PRR16: variants seen among roughly 807,000 people sequenced by gnomAD.
The protein encoded by PRR16 is protein Largen.
PRR16 carries 6 observed loss-of-function variants against 18.2 expected under a neutral mutation model. The observed-to-expected ratio is 0.33, with a 90% CI of 0.18 to 0.65. PRR16 has a LOEUF of 0.65. Ranked by LOEUF, PRR16 falls within the 30% of genes least tolerant of loss-of-function variation. PRR16 has a pLI of 0.74. For missense variants in PRR16, 412 were observed against 376.6 expected (o/e 1.09, Z -0.78); for synonymous variants, 151 against 147.8 (o/e 1.02, Z -0.16).
chr5:120,773,953 G>A, the PRR16 span, among the ~76,000 whole-genome samples: 2 of 152,010 alleles, frequency 1.3e-5, no homozygotes, highest in African/African-American at 4.8e-5. Flanking sequence ...TTTTGTACTT[G>A]ATATTCCGTA....
the PRR16 span, among the ~76,000 whole-genome samples, chr5:120,781,007 G>A: frequency 3.9e-5 from 6 of 152,110 alleles, no homozygotes; most frequent in Non-Finnish European, 5.9e-5. Flanking sequence ...CCGAGATCGC[G>A]CCACTGCCCT....
At chr5:120,669,982 A>C (rs1003156192) in intron 1 of PRR16, among the ~76,000 whole-genome samples, 1 of 152,092 alleles carries the variant, frequency 6.6e-6, no homozygotes, top group Non-Finnish European at 1.5e-5. Flanking sequence ...AATGTTTTAA[A>C]TGTTATAATG....
intron 1 of PRR16, among the ~76,000 whole-genome samples, chr5:120,636,793 A>G (rs986443044): frequency 1.3e-5 from 2 of 152,152 alleles, no homozygotes; most frequent in Admixed American, 1.3e-4. Context: ...GGACTTAATT[A>G]AACTAAAAAG....
chr5:120,780,445 G>C, the PRR16 span, among the ~76,000 whole-genome samples: 1 of 152,062 alleles, frequency 6.6e-6, no homozygotes. Flanking sequence ...GCAGTAGAAA[G>C]GGATTTCTAG....
intron 1 of PRR16, among the ~76,000 whole-genome samples, chr5:120,586,262 C>G (rs1753439525): frequency 2.0e-5 from 3 of 151,944 alleles, no homozygotes; most frequent in Admixed American, 1.3e-4. Context: ...AAATAATTGA[C>G]TGGGTTATAG....
intron 1 of PRR16, among the ~76,000 whole-genome samples, chr5:120,597,710 G>A (rs1043370138): frequency 7.2e-4 from 110 of 151,796 alleles, no homozygotes; most frequent in African/African-American, 2.5e-3. Flanking sequence ...TGTAACTATA[G>A]TGTCTGGATA....
chr5:120,788,881 G>A, the PRR16 span, among the ~76,000 whole-genome samples: 1 of 151,794 alleles, frequency 6.6e-6, no homozygotes, highest in East Asian at 1.9e-4. Context: ...AGATCATTTA[G>A]TACTAAAACA....
At chr5:120,786,369 T>A in the PRR16 span, among the ~76,000 whole-genome samples, 4 of 151,828 alleles carry the variant, frequency 2.6e-5, no homozygotes, top group Admixed American at 2.6e-4. Context: ...GCAGAATGGA[T>A]AAACTGTATC....
chr5:120,538,533 A>G (rs1346065637), intron 1 of PRR16, among the ~76,000 whole-genome samples: 1 of 152,248 alleles, frequency 6.6e-6, no homozygotes. Context: ...ATATGCTATT[A>G]AAATGCCACT....
At chr5:120,721,376 G>C in the PRR16 span, among the ~76,000 whole-genome samples, 6 of 151,950 alleles carry the variant, frequency 3.9e-5, no homozygotes, top group Non-Finnish European at 5.9e-5. Context: ...AGATGATCTA[G>C]AATGACAGGT....
intron 1 of PRR16, among the ~76,000 whole-genome samples, chr5:120,493,132 A>G (rs972778966): frequency 2.6e-5 from 4 of 152,186 alleles, no homozygotes; most frequent in African/African-American, 7.2e-5. Flanking sequence ...AGGAATGTCT[A>G]TATTATTTTC....
chr5:120,546,527 T>C (rs1482007743), intron 1 of PRR16, among the ~76,000 whole-genome samples: 2 of 152,082 alleles, frequency 1.3e-5, no homozygotes, highest in East Asian at 1.9e-4. Context: ...ATTTGGTCAA[T>C]TGATTGCTAT....
the PRR16 span, among the ~76,000 whole-genome samples, chr5:120,709,395 C>G: frequency 8.5e-5 from 13 of 152,062 alleles, no homozygotes; most frequent in African/African-American, 3.1e-4. Context: ...TTATGGGGTA[C>G]ATGTGACATT....
At chr5:120,638,614 G>A (rs1755323007) in intron 1 of PRR16, among the ~76,000 whole-genome samples, 3 of 152,144 alleles carry the variant, frequency 2.0e-5, no homozygotes, top group African/African-American at 7.2e-5. Flanking sequence ...TTACAACCAG[G>A]CCATCTGCAG....
the PRR16 span, among the ~76,000 whole-genome samples, chr5:120,730,964 T>C: frequency 6.6e-6 from 1 of 152,072 alleles, no homozygotes; most frequent in Non-Finnish European, 1.5e-5. Flanking sequence ...GTCATTAGAG[T>C]TAATTGTTTG....
chr5:120,540,084 G>C (rs1003334237), intron 1 of PRR16, among the ~76,000 whole-genome samples: 14 of 152,014 alleles, frequency 9.2e-5, no homozygotes, highest in African/African-American at 3.4e-4. Flanking sequence ...AACCTAACAG[G>C]GCTTCTTATT....
At chr5:120,754,578 T>TA in the PRR16 span, among the ~76,000 whole-genome samples, 4 of 107,034 alleles carry the variant, frequency 3.7e-5, no homozygotes, top group East Asian at 2.6e-4. Flanking sequence ...ATATTTATAT[T>TA]TTATATATTA....
At chr5:120,719,899 TTG>T in the PRR16 span, among the ~76,000 whole-genome samples, 1 of 151,958 alleles carries the variant, frequency 6.6e-6, no homozygotes, top group Non-Finnish European at 1.5e-5. Flanking sequence ...TCCCAGAAAA[TTG>T]TATAACATTT....
chr5:120,672,538 A>ATG (rs1211476819), intron 1 of PRR16, among the ~76,000 whole-genome samples: 23 of 49,538 alleles, frequency 4.6e-4, no homozygotes, highest in East Asian at 3.0e-3. Context: ...TTATAGATAT[A>ATG]TATGTGTGTG....
Sources: gnomAD v4.1 joint callset for allele counts (sites outside exome capture counted in the v4.1 genomes callset) on GRCh38, gnomAD v4.1.1 for gene constraint, MANE v1.5 for transcripts, NCBI Gene and HGNC (gene_info 2026-07-23, HGNC 2026-07-21) for gene names.